Variants in SMAD9 observed in about 807,000 individuals in gnomAD.
SMAD9 encodes the protein SMAD family member 9, also known as MAD homolog 9.
Under a neutral mutation model 46.1 loss-of-function variants are expected in SMAD9, and 36 were observed. That is an observed-to-expected ratio of 0.78 (90% CI 0.60 to 1.03). The LOEUF is 1.03. Among genes scored for constraint, SMAD9 ranks in the 50% least tolerant of loss-of-function variants. The pLI, the probability that SMAD9 is intolerant of heterozygous loss-of-function variation, is 0.00. For synonymous variants in SMAD9, 245 were observed against 237.1 expected (o/e 1.03, Z -0.31); for missense variants, 572 against 599.8 (o/e 0.95, Z 0.48).
intron 1 of SMAD9, among the ~76,000 whole-genome samples, chr13:36,888,278 T>G (rs1396892559): frequency 6.6e-6 from 1 of 152,158 alleles, no homozygotes; most frequent in African/African-American, 2.4e-5. Flanking sequence ...GATAATGAGT[T>G]CTCATGAGAT....
chr13:36,920,458 C>G (rs2058737449), upstream of SMAD9, among the ~76,000 whole-genome samples: 1 of 151,748 alleles, frequency 6.6e-6, no homozygotes, highest in Admixed American at 6.6e-5. Context: ...TAGTACTCCT[C>G]GCAGCGGCCT....
At chr13:36,897,417 T>C (rs1193978659) in intron 1 of SMAD9, among the ~76,000 whole-genome samples, 1 of 152,240 alleles carries the variant, frequency 6.6e-6, no homozygotes, top group African/African-American at 2.4e-5. Flanking sequence ...ATCTACTTCA[T>C]TCTTGGTACC....
At chr13:36,876,812 CTTGT>C (rs754435084) in intron 2 of SMAD9, among the ~76,000 whole-genome samples, 3 of 151,994 alleles carry the variant, frequency 2.0e-5, no homozygotes, top group South Asian at 2.1e-4. Context: ...ACTCAGCAAA[CTTGT>C]TTAACATTAA....
chr13:36,879,569 G>C lies in SMAD9; in HGVS notation c.121C>G (p.Leu41Val), dbSNP rs2058383345. 1.2e-6 allele frequency: 2 copies of C among 1,614,174 alleles called. No homozygotes were observed. Among genetic ancestry groups the C allele is most frequent in the South Asian group, 2.2e-5 (2 of 91,088 alleles). Reference sequence around the variant, plus strand: ...TTCTTCTTCTTTAACTTCTTCACTAGAGAGTCCACTGCCTTCTCTGCCCAC... The same window carrying C: ...TTCTTCTTCTTTAACTTCTTCACTACAGAGTCCACTGCCTTCTCTGCCCAC... ...EKWAEKAVDS[L>V]VKKLKKKKGA... The change falls in exon 2 of 7, where the codon CTA becomes GTA. Residue 41 changes from leucine to valine, a missense_variant. Transcript: ENST00000379826.
chr13:36,863,933 G>A (rs1366253295), intron 5 of SMAD9, among the ~76,000 whole-genome samples: 1 of 152,182 alleles, frequency 6.6e-6, no homozygotes, highest in African/African-American at 2.4e-5. Flanking sequence ...CTCAGCAGGA[G>A]CACCTTGAAG....
At chr13:36,870,359 G>A (rs538859673) in intron 3 of SMAD9, among the ~76,000 whole-genome samples, 1 of 152,208 alleles carries the variant, frequency 6.6e-6, no homozygotes. Flanking sequence ...TTCTTTCTCA[G>A]TGAACTCAGC....
chr13:36,911,777 C>G (rs1045742408), intron 1 of SMAD9, among the ~76,000 whole-genome samples: 2 of 152,158 alleles, frequency 1.3e-5, no homozygotes, highest in African/African-American at 4.8e-5. Flanking sequence ...GGCACAATCT[C>G]AGCTCACTGC....
At chr13:36,906,883 T>C (rs946546951) in intron 1 of SMAD9, among the ~76,000 whole-genome samples, 1 of 152,192 alleles carries the variant, frequency 6.6e-6, no homozygotes, top group South Asian at 2.1e-4. Flanking sequence ...AGAATTACCA[T>C]GTGAGCCAGT....
At chr13:36,870,624 C>G (rs1042777692) in intron 3 of SMAD9, among the ~76,000 whole-genome samples, 1 of 152,196 alleles carries the variant, frequency 6.6e-6, no homozygotes, top group African/African-American at 2.4e-5. Flanking sequence ...AGTAGTCCCC[C>G]CTTCTCCACC....
chr13:36,867,460 C>T, intron 3 of SMAD9, 77 bp from the exon 4 acceptor site: 1 of 924,492 alleles, frequency 1.1e-6, no homozygotes, highest in Non-Finnish European at 1.7e-6. Context: ...ACATCTTTTG[C>T]CATTAAACTC....
At chr13:36,881,470 A>AC in intron 1 of SMAD9, among the ~76,000 whole-genome samples, 1 of 152,214 alleles carries the variant, frequency 6.6e-6, no homozygotes, top group East Asian at 1.9e-4. Context: ...GTGCCTTATA[A>AC]CCCCCCGCTA....
intron 1 of SMAD9, among the ~76,000 whole-genome samples, chr13:36,917,149 C>T (rs1245316974): frequency 6.6e-6 from 1 of 152,030 alleles, no homozygotes; most frequent in Non-Finnish European, 1.5e-5. Flanking sequence ...AGAAGAACAT[C>T]CAGTTTTCAT....
chr13:36,865,762 G>C lies in SMAD9; in HGVS notation c.782-4C>G. On this transcript the variant is annotated splice_region_variant and splice_polypyrimidine_tract_variant and intron_variant, in intron 4 of 6. Coordinates refer to ENST00000379826, the MANE Select transcript of SMAD9 (RefSeq NM_001127217.3). ...TCGTAACAAACTGGTCGAAAGTCTG[G>C]AAGAAAACAAACCAGAGAACACATG... 6.2e-7 allele frequency: 1 copy of C among 1,612,576 alleles called. No individual in the cohort carries two copies. Among genetic ancestry groups the C allele is most frequent in the Non-Finnish European group, 8.5e-7 (1 of 1,178,844 alleles).
intron 2 of SMAD9, among the ~76,000 whole-genome samples, chr13:36,878,446 C>T (rs2058368080): frequency 6.6e-6 from 1 of 152,142 alleles, no homozygotes; most frequent in African/African-American, 2.4e-5. Context: ...ACCATATAGC[C>T]TAACGGTGTA....
chr13:36,846,298 T>C lies in SMAD9; in HGVS notation c.*2378A>G, dbSNP rs1245392366. The C allele has an allele frequency of 2.0e-5, 3 of 151,556 alleles. No individual in the cohort carries two copies. Among genetic ancestry groups the C allele is most frequent in the Non-Finnish European group, 2.9e-5 (2 of 67,884 alleles). 9.4% of individuals were successfully genotyped at this position (151,556 alleles called of 1,614,324 possible). A position where few individuals can be genotyped will look rare whatever the true frequency, so the allele number is the denominator to read the frequency against. On this transcript the variant is annotated 3_prime_UTR_variant, in exon 7 of 7. Transcript: ENST00000379826. ...GAGATAGAGACCATTCTGGCTACCA[T>C]GGTGAAACCCCGTCTCTACTAAAAA...
At chr13:36,912,393 T>C (rs1001690867) in intron 1 of SMAD9, among the ~76,000 whole-genome samples, 2 of 152,194 alleles carry the variant, frequency 1.3e-5, no homozygotes, top group South Asian at 2.1e-4. Flanking sequence ...AGCAGCTGAA[T>C]ATTTCAAGAT....
chr13:36,846,551 G>A lies in SMAD9; in HGVS notation c.*2125C>T, dbSNP rs1173114577. On this transcript the variant is annotated 3_prime_UTR_variant, in exon 7 of 7. Coordinates refer to ENST00000379826, the MANE Select transcript of SMAD9 (RefSeq NM_001127217.3). ...TAGAGAGATCACGAAAGCTATGTTT[G>A]ATCTCTGGAGCAAAAACTGTGTTGA... 6.7e-6 allele frequency: 1 copy of A among 149,838 alleles called. No homozygotes were observed. Among genetic ancestry groups the A allele is most frequent in the Non-Finnish European group, 1.5e-5 (1 of 67,424 alleles). 9.3% of individuals were successfully genotyped at this position (149,838 alleles called of 1,614,324 possible). A position where few individuals can be genotyped will look rare whatever the true frequency, so the allele number is the denominator to read the frequency against.
intron 1 of SMAD9, among the ~76,000 whole-genome samples, chr13:36,892,330 T>C (rs1194533146): frequency 6.6e-6 from 1 of 152,086 alleles, no homozygotes; most frequent in Non-Finnish European, 1.5e-5. Flanking sequence ...TAAGGAGTCA[T>C]GAAACACAGC....
intron 1 of SMAD9, among the ~76,000 whole-genome samples, chr13:36,898,060 G>A (rs998079362): frequency 2.0e-5 from 3 of 151,498 alleles, no homozygotes; most frequent in Non-Finnish European, 2.9e-5. Flanking sequence ...GGGTTTCACC[G>A]TGTTAGCCAG....
Sources: allele counts gnomAD v4.1 joint callset (sites outside exome capture counted in the v4.1 genomes callset), GRCh38; gene constraint gnomAD v4.1.1; transcripts MANE v1.5; gene names NCBI Gene and HGNC (gene_info 2026-07-23, HGNC 2026-07-21).